CSMD3: variants seen among roughly 807,000 people sequenced by gnomAD.
The protein encoded by CSMD3 is CUB and Sushi multiple domains 3.
Under a neutral mutation model 435.2 loss-of-function variants are expected in CSMD3, and 177 were observed. The observed-to-expected ratio is 0.41, with a 90% CI of 0.36 to 0.46. The LOEUF (loss-of-function observed/expected upper bound fraction) is 0.46. Ranked by LOEUF, CSMD3 falls within the 20% of genes least tolerant of loss-of-function variation. CSMD3 has a pLI of 0.34. For missense variants in CSMD3, 4,265 were observed against 4,504.6 expected (o/e 0.95, Z 1.52); for synonymous variants, 1,656 against 1,520.5 (o/e 1.09, Z -2.07).
chr8:112,270,363 T>TGTGTGTGTGTGTTAGGGGTGA (rs1817390496), intron 59 of CSMD3, among the ~76,000 whole-genome samples: 1 of 139,576 alleles, frequency 7.2e-6, no homozygotes, highest in Non-Finnish European at 1.5e-5. Flanking sequence ...TGTGTGTGTG[T>TGTGTGTGTGTGTTAGGGGTGA]GTGTGTGTGT....
chr8:113,364,953 A>G (rs562890818), intron 1 of CSMD3, among the ~76,000 whole-genome samples: 2 of 152,226 alleles, frequency 1.3e-5, no homozygotes, highest in South Asian at 2.1e-4. Context: ...TTTTAAAGTG[A>G]GAATGTATAG....
chr8:113,300,689 T>C (rs1012857590), intron 2 of CSMD3, among the ~76,000 whole-genome samples: 5 of 151,452 alleles, frequency 3.3e-5, no homozygotes, highest in Non-Finnish European at 2.9e-5. Context: ...AACTACTAGA[T>C]AGGGGAAGGA....
At chr8:112,278,226 G>C (rs1818274821) in intron 59 of CSMD3, among the ~76,000 whole-genome samples, 1 of 152,140 alleles carries the variant, frequency 6.6e-6, no homozygotes, top group Non-Finnish European at 1.5e-5. Context: ...TTTTGTTGTT[G>C]TTTGTGACTT....
At chr8:113,311,569 T>C (rs1157408512) in intron 2 of CSMD3, 1 of 152,100 alleles carries the variant, frequency 6.6e-6, no homozygotes, top group African/African-American at 2.4e-5. Context: ...TAAGTGAGAA[T>C]ATGATCCAAT....
intron 32 of CSMD3, among the ~76,000 whole-genome samples, chr8:112,421,445 G>A (rs1214814841): frequency 6.6e-6 from 1 of 151,522 alleles, no homozygotes; most frequent in Non-Finnish European, 1.5e-5. Context: ...TTGGGAGGCT[G>A]AGGCAGGAGA....
At chr8:112,594,258 G>C (rs1831468322) in intron 22 of CSMD3, among the ~76,000 whole-genome samples, 1 of 152,146 alleles carries the variant, frequency 6.6e-6, no homozygotes, top group African/African-American at 2.4e-5. Flanking sequence ...AGGGGCGATG[G>C]ACGCACCTGG....
At chr8:112,248,571 G>A (rs1459514473) in intron 63 of CSMD3, among the ~76,000 whole-genome samples, 5 of 152,074 alleles carry the variant, frequency 3.3e-5, no homozygotes, top group Non-Finnish European at 7.4e-5. Context: ...GTCTGAGAAG[G>A]CTCAATCACA....
intron 32 of CSMD3, among the ~76,000 whole-genome samples, chr8:112,453,676 G>A (rs1816530367): frequency 6.6e-6 from 1 of 152,090 alleles, no homozygotes; most frequent in Non-Finnish European, 1.5e-5. Flanking sequence ...TTGTTAAAAT[G>A]GTCATATTGC....
chr8:112,439,097 C>A (rs1017234408), intron 32 of CSMD3, among the ~76,000 whole-genome samples: 2 of 152,102 alleles, frequency 1.3e-5, no homozygotes, highest in African/African-American at 4.8e-5. Flanking sequence ...AGATTCTGTA[C>A]CTGTAAGCAC....
chr8:112,881,928 T>G (rs1033132533), intron 10 of CSMD3, among the ~76,000 whole-genome samples: 1 of 151,956 alleles, frequency 6.6e-6, no homozygotes, highest in Non-Finnish European at 1.5e-5. Flanking sequence ...TATTATTGAT[T>G]AATTCCAGGA....
chr8:113,029,312 G>T (rs1177715909), intron 5 of CSMD3, among the ~76,000 whole-genome samples: 1 of 151,124 alleles, frequency 6.6e-6, no homozygotes, highest in African/African-American at 2.4e-5. Context: ...ACCAGGGAAG[G>T]GCATAACCAA....
chr8:112,860,354 AGTGT>A (rs953900104), intron 10 of CSMD3, among the ~76,000 whole-genome samples: 1 of 151,644 alleles, frequency 6.6e-6, no homozygotes, highest in African/African-American at 2.4e-5. Context: ...TTATCTTGTG[AGTGT>A]GTGTGTATAA....
intron 4 of CSMD3, among the ~76,000 whole-genome samples, chr8:113,161,630 T>C (rs1588177965): frequency 6.6e-6 from 1 of 152,100 alleles, no homozygotes. Context: ...CTTTTTATGA[T>C]AGATACTTTT....
chr8:112,684,817 C>T (rs540327087), intron 15 of CSMD3, among the ~76,000 whole-genome samples: 3 of 152,152 alleles, frequency 2.0e-5, no homozygotes, highest in Non-Finnish European at 4.4e-5. Flanking sequence ...AAATTATTCA[C>T]ATGCATCACC....
rs144311317 is a variant in CSMD3, at chr8:113,225,683, T to C, written c.515-51767A>G. ...AGCGCACTCTGCCAAGAACAGTTGG[T>C]ATGAATGTCAGATGAGTAACATACA... On this transcript the variant is annotated intron_variant, in intron 3 of 70. Coordinates refer to ENST00000297405, the MANE Select transcript of CSMD3 (RefSeq NM_198123.2). Among the ~76,000 whole-genome samples the C allele has an allele frequency of 7.3e-5, 11 of 151,640 alleles. No individual in the cohort carries two copies. The East Asian group carries it at 2.1e-3, about 30-fold the overall frequency.
chr8:112,593,811 T>C (rs915026512), intron 22 of CSMD3, among the ~76,000 whole-genome samples: 22 of 152,104 alleles, frequency 1.4e-4, no homozygotes, highest in African/African-American at 4.6e-4. Flanking sequence ...TGAGAGTACA[T>C]TGATTTGGGC....
At chr8:112,347,812 A>G (rs1267914481) in intron 40 of CSMD3, among the ~76,000 whole-genome samples, 1 of 152,204 alleles carries the variant, frequency 6.6e-6, no homozygotes, top group Non-Finnish European at 1.5e-5. Flanking sequence ...CTCAATTAAA[A>G]TATTTTTAAA....
chr8:113,342,844 G>C (rs2094128843), intron 1 of CSMD3, among the ~76,000 whole-genome samples: 1 of 151,606 alleles, frequency 6.6e-6, no homozygotes, highest in Non-Finnish European at 1.5e-5. Flanking sequence ...AGAATCCAAA[G>C]TCTGTACATA....
intron 5 of CSMD3, among the ~76,000 whole-genome samples, chr8:113,072,257 T>A (rs1192505496): frequency 6.6e-6 from 1 of 151,818 alleles, no homozygotes; most frequent in Admixed American, 6.6e-5. Context: ...AGCATTAATT[T>A]TACTTCTTCT....
Sources: gnomAD v4.1 joint callset for allele counts (sites outside exome capture counted in the v4.1 genomes callset) on GRCh38, gnomAD v4.1.1 for gene constraint, MANE v1.5 for transcripts, NCBI Gene and HGNC (gene_info 2026-07-23, HGNC 2026-07-21) for gene names.